The following FBXO28 variants were observed in gnomAD, a reference collection of about 807,000 sequenced individuals.
FBXO28 encodes F-box only protein 28.
A neutral mutation model predicts 38.1 loss-of-function variants in FBXO28; 8 were observed. The ratio of observed to expected loss-of-function variants is 0.21; its 90% confidence interval spans 0.12 to 0.38. FBXO28 has a LOEUF of 0.38. Among genes scored for constraint, FBXO28 ranks in the 10% least tolerant of loss-of-function variants. FBXO28 has a pLI of 1.00. For synonymous variants in FBXO28, 168 were observed against 173.8 expected (o/e 0.97, Z 0.26); for missense variants, 345 against 460.6 (o/e 0.75, Z 2.30).
chr1:224,132,206 C>T (rs565570128), intron 2 of FBXO28, among the ~76,000 whole-genome samples: 11 of 152,174 alleles, frequency 7.2e-5, no homozygotes, highest in Non-Finnish European at 1.6e-4. Flanking sequence ...GAGCCAAGAT[C>T]GCGCCACAGC....
At chr1:224,139,149 T>G (rs535366185) in intron 3 of FBXO28, among the ~76,000 whole-genome samples, 1 of 151,604 alleles carries the variant, frequency 6.6e-6, no homozygotes, top group Non-Finnish European at 1.5e-5. Context: ...AACACAATGG[T>G]CCCCAAAAAT....
At chr1:224,133,319 AAC>A (rs1481897185) in intron 2 of FBXO28, among the ~76,000 whole-genome samples, 1 of 152,166 alleles carries the variant, frequency 6.6e-6, no homozygotes, top group Non-Finnish European at 1.5e-5. Context: ...GAGTATACTA[AAC>A]ACCACTAAAT....
intron 1 of FBXO28, among the ~76,000 whole-genome samples, chr1:224,115,316 G>A (rs544379870): frequency 1.1e-3 from 161 of 152,306 alleles, no homozygotes; most frequent in African/African-American, 3.8e-3. Context: ...AGAAATTGAA[G>A]GAGGTGGACA....
chr1:224,135,817 A>C (rs1227251337), intron 3 of FBXO28, among the ~76,000 whole-genome samples: 1 of 151,986 alleles, frequency 6.6e-6, no homozygotes, highest in Non-Finnish European at 1.5e-5. Flanking sequence ...CGGGCAGATC[A>C]CAAGGTCAGG....
chr1:224,156,163 C>T (rs1657767980), intron 4 of FBXO28, among the ~76,000 whole-genome samples: 1 of 152,160 alleles, frequency 6.6e-6, no homozygotes, highest in Non-Finnish European at 1.5e-5. Flanking sequence ...TGAATGGACC[C>T]ATCTGGTTCT....
chr1:224,130,709 T>G, intron 2 of FBXO28, 128 bp downstream of exon 2: 1 of 599,808 alleles, frequency 1.7e-6, no homozygotes. Flanking sequence ...AAGATCACAA[T>G]GTGATTTCTG....
intron 3 of FBXO28, among the ~76,000 whole-genome samples, chr1:224,144,064 C>T (rs1657436653): frequency 1.3e-5 from 2 of 149,828 alleles, no homozygotes; most frequent in Admixed American, 1.3e-4. Flanking sequence ...AGCACAAGAA[C>T]CACTTGGACC....
intron 3 of FBXO28, among the ~76,000 whole-genome samples, chr1:224,135,977 G>A (rs529009414): frequency 6.6e-6 from 1 of 152,114 alleles, no homozygotes; most frequent in Non-Finnish European, 1.5e-5. Context: ...AGAGGTTGCA[G>A]TGAGCCGAGA....
chr1:224,134,658 T>C (rs1657133434), intron 3 of FBXO28, among the ~76,000 whole-genome samples: 1 of 152,200 alleles, frequency 6.6e-6, no homozygotes, highest in South Asian at 2.1e-4. Flanking sequence ...GAATAAACAA[T>C]TGCTATTTAC....
chr1:224,121,306 TC>T (rs1480775223), intron 1 of FBXO28, among the ~76,000 whole-genome samples: 6 of 152,234 alleles, frequency 3.9e-5, no homozygotes, highest in Admixed American at 1.3e-4. Flanking sequence ...AAGAAATTCT[TC>T]CTAATTGTTA....
intron 3 of FBXO28, among the ~76,000 whole-genome samples, chr1:224,147,348 C>T (rs1193941508): frequency 2.0e-5 from 3 of 148,950 alleles, no homozygotes; most frequent in Non-Finnish European, 3.0e-5. Flanking sequence ...ACTTGAACCC[C>T]GGAGGCAGAG....
chr1:224,133,024 G>A (rs535325739), intron 2 of FBXO28, among the ~76,000 whole-genome samples: 2 of 152,276 alleles, frequency 1.3e-5, no homozygotes, highest in South Asian at 4.1e-4. Context: ...AACAAAGTAT[G>A]ATATATCTGC....
At chr1:224,122,589 G>T (rs1047795014) in intron 1 of FBXO28, among the ~76,000 whole-genome samples, 7 of 150,542 alleles carry the variant, frequency 4.6e-5, no homozygotes, top group Non-Finnish European at 7.4e-5. Flanking sequence ...TCATGCCATT[G>T]ACTTTTTTTT....
At chr1:224,143,947 A>G (rs1032748297) in intron 3 of FBXO28, among the ~76,000 whole-genome samples, 1 of 149,992 alleles carries the variant, frequency 6.7e-6, no homozygotes. Context: ...GGAGTTTGAG[A>G]CCAGCCTGGC....
intron 3 of FBXO28, among the ~76,000 whole-genome samples, chr1:224,146,698 T>A (rs919950840): frequency 5.0e-5 from 6 of 118,828 alleles, no homozygotes; most frequent in South Asian, 2.7e-4. Flanking sequence ...TTTATAAAAC[T>A]AAAATTTTTT....
chr1:224,117,431 A>T (rs965945443), intron 1 of FBXO28, among the ~76,000 whole-genome samples: 2 of 151,638 alleles, frequency 1.3e-5, no homozygotes, highest in African/African-American at 2.4e-5. Flanking sequence ...GCCTGAATTT[A>T]TTTATTTTAT....
chr1:224,126,790 A>G (rs1470699817), intron 1 of FBXO28, among the ~76,000 whole-genome samples: 1 of 152,234 alleles, frequency 6.6e-6, no homozygotes, highest in Non-Finnish European at 1.5e-5. Flanking sequence ...AGCCTGGGCA[A>G]CAGAGCAAGA....
chr1:224,136,416 G>A (rs974943419), intron 3 of FBXO28, among the ~76,000 whole-genome samples: 9 of 151,784 alleles, frequency 5.9e-5, no homozygotes, highest in African/African-American at 2.2e-4. Context: ...CTGAGATCTT[G>A]CTTCTGGGAT....
At chr1:224,139,558 A>G (rs768419645) in intron 3 of FBXO28, among the ~76,000 whole-genome samples, 5 of 152,064 alleles carry the variant, frequency 3.3e-5, no homozygotes, top group Non-Finnish European at 7.3e-5. Context: ...CCTGGCCAAC[A>G]TGGTGAAACC....
Sources: gnomAD v4.1 joint callset for allele counts (sites outside exome capture counted in the v4.1 genomes callset) on GRCh38, gnomAD v4.1.1 for gene constraint, MANE v1.5 for transcripts, NCBI Gene and HGNC (gene_info 2026-07-23, HGNC 2026-07-21) for gene names.